Variants in ATP10B observed in about 807,000 individuals in gnomAD.
ATP10B encodes ATPase phospholipid transporting 10B (putative).
A neutral mutation model predicts 141.2 loss-of-function variants in ATP10B; 122 were observed. The observed-to-expected ratio is 0.86, with a 90% CI of 0.75 to 1.00. The LOEUF (loss-of-function observed/expected upper bound fraction) is 1.00. ATP10B is among the 50% of genes least tolerant of loss of function. The pLI, the probability that ATP10B is intolerant of heterozygous loss-of-function variation, is 0.00. For synonymous variants in ATP10B, 685 were observed against 692.0 expected (o/e 0.99, Z 0.16); for missense variants, 1,876 against 1,825.3 (o/e 1.03, Z -0.51).
chr5:160,687,733 C>G, intron 5 of ATP10B, 67 bp downstream of exon 5: 2 of 1,540,118 alleles, frequency 1.3e-6, no homozygotes, highest in South Asian at 2.5e-5. Flanking sequence ...CGACTATACT[C>G]CAGCCTGGGG....
At chr5:160,790,531 G>A (rs761998900) in intron 1 of ATP10B, among the ~76,000 whole-genome samples, 5 of 152,068 alleles carry the variant, frequency 3.3e-5, no homozygotes, top group African/African-American at 4.8e-5. Context: ...ATGAGGTATC[G>A]CTCAAAGACA....
At position 160,640,600 on chromosome 5, in the gene ATP10B, A is replaced by G. The variant is rs1284516964; in HGVS notation, c.869-8T>C. ...TGGCTTTCGTCTCATGGCCTTTGAG[A>G]GAAAATGAGGAAATCAGTCCCTTAG... On this transcript the variant is annotated splice_polypyrimidine_tract_variant and splice_region_variant and intron_variant, in intron 9 of 25. Coordinates refer to ENST00000327245, the MANE Select transcript of ATP10B (RefSeq NM_025153.3). 1.2e-6 allele frequency: 2 copies of G among 1,613,818 alleles called. No individual in the cohort carries two copies. The highest frequency in any genetic ancestry group is 2.2e-5 in the East Asian group (1 of 44,884).
chr5:160,670,574 T>C lies in ATP10B; in HGVS notation c.564A>G (p.Ile188Met), dbSNP rs1301182927. Residue 188 changes from isoleucine (I) to methionine (M), a missense_variant, in exon 7 of 26, where the codon ATA becomes ATG. Ile to Met is a conservative substitution (Grantham distance 10). Transcript: ENST00000327245. ...TGGGGTCAGAGGAAAAAAGGAGGAG[T>C]ATGTCTGCTGGGACAATCTCATTGC... ...MKCNEIVPAD[I>M]LLLFSSDPNG... 19 of 1,613,328 alleles carry C rather than the reference T, an allele frequency of 1.2e-5. No individual in the cohort carries two copies. The highest frequency in any genetic ancestry group is 1.6e-5 in the Non-Finnish European group (19 of 1,179,854).
intron 2 of ATP10B, among the ~76,000 whole-genome samples, chr5:160,780,050 T>A (rs140215302): frequency 6.6e-6 from 1 of 152,344 alleles, no homozygotes; most frequent in East Asian, 1.9e-4. Context: ...TACTCTAATA[T>A]GTAATATTCC....
chr5:160,905,789 T>C, the ATP10B span, among the ~76,000 whole-genome samples: 10 of 152,116 alleles, frequency 6.6e-5, no homozygotes, highest in Non-Finnish European at 1.3e-4. Context: ...AAATGCTGGC[T>C]ATTAAATGCA....
the ATP10B span, among the ~76,000 whole-genome samples, chr5:160,895,267 T>C: frequency 6.6e-6 from 1 of 151,846 alleles, no homozygotes; most frequent in Non-Finnish European, 1.5e-5. Flanking sequence ...ACAAATTGGA[T>C]AAAGAGTGAG....
At chr5:160,616,471 G>A (rs749940056) in intron 16 of ATP10B, among the ~76,000 whole-genome samples, 3 of 152,158 alleles carry the variant, frequency 2.0e-5, no homozygotes, top group Non-Finnish European at 4.4e-5. Flanking sequence ...AATGAACTTG[G>A]CCTTCCTTCT....
rs1211757914 is a variant in ATP10B, at chr5:160,852,023, C to T, written c.-658G>A. ...AAGTGGCGGTATTTCTCTCGCACAC[C>T]TTGGCTAAAATAGTTCTCTTTCCTA... On this transcript the variant is annotated 5_prime_UTR_variant, in exon 1 of 26. Transcript: ENST00000327245. 4 of 152,110 alleles carry T rather than the reference C, an allele frequency of 2.6e-5. No homozygotes were observed. The highest frequency in any genetic ancestry group is 4.4e-5 in the Non-Finnish European group (3 of 68,020). The allele number at this position is 152,110 out of a possible 1,614,324, so 9.4% of individuals were successfully genotyped here.
chr5:160,659,733 C>T (rs1761784811), intron 7 of ATP10B, among the ~76,000 whole-genome samples: 1 of 151,876 alleles, frequency 6.6e-6, no homozygotes, highest in South Asian at 2.1e-4. Context: ...TAGGGTTGCC[C>T]CATCACCATC....
At chr5:160,765,186 A>T (rs1259699594) in intron 2 of ATP10B, among the ~76,000 whole-genome samples, 4 of 152,118 alleles carry the variant, frequency 2.6e-5, no homozygotes, top group Non-Finnish European at 5.9e-5. Flanking sequence ...CCCATAAAAA[A>T]TGCCACCATT....
rs146208982 is a variant in ATP10B, at chr5:160,836,694, G to T, written c.-576+15247C>A. Among the ~76,000 whole-genome samples, 916 of 152,146 alleles carry T rather than the reference G, an allele frequency of 6.0e-3. 13 individuals carry two copies. The highest frequency in any genetic ancestry group is 0.021 in the African/African-American group (872 of 41,512). On this transcript the variant is annotated intron_variant, in intron 1 of 25. Transcript: ENST00000327245. ...CCACAAGTTTCCCAGCAAGTTCAGG[G>T]TTTCATACATTTGGTCCCTCTGGTT...
At chr5:160,768,997 G>A (rs1047229644) in intron 2 of ATP10B, among the ~76,000 whole-genome samples, 8 of 152,152 alleles carry the variant, frequency 5.3e-5, no homozygotes, top group African/African-American at 1.2e-4. Context: ...TCTTCCCCAT[G>A]TCATGGAAAC....
chr5:160,784,257 A>G (rs1770969174), intron 2 of ATP10B, among the ~76,000 whole-genome samples: 1 of 152,152 alleles, frequency 6.6e-6, no homozygotes, highest in African/African-American at 2.4e-5. Flanking sequence ...TTGGCTGCAC[A>G]AAGCAATTGC....
intron 2 of ATP10B, among the ~76,000 whole-genome samples, chr5:160,737,553 G>T (rs1767207412): frequency 1.3e-5 from 2 of 152,064 alleles, no homozygotes; most frequent in Admixed American, 6.5e-5. Context: ...CAGTAAAGTT[G>T]CAGGATACAA....
chr5:160,677,908 T>C (rs868839541), intron 6 of ATP10B, among the ~76,000 whole-genome samples: 27 of 152,292 alleles, frequency 1.8e-4, no homozygotes, highest in Non-Finnish European at 2.9e-4. Context: ...TAGTACCAAA[T>C]TGCAGCTTTA....
chr5:160,755,630 A>G (rs1341058365), intron 2 of ATP10B, among the ~76,000 whole-genome samples: 1 of 149,128 alleles, frequency 6.7e-6, no homozygotes, highest in Non-Finnish European at 1.5e-5. Flanking sequence ...CCCGGCTAAA[A>G]CGGTGAAACC....
At chr5:160,780,408 C>T (rs1202950759) in intron 2 of ATP10B, among the ~76,000 whole-genome samples, 1 of 152,086 alleles carries the variant, frequency 6.6e-6, no homozygotes, top group African/African-American at 2.4e-5. Context: ...ACTAACAATG[C>T]ATTTGTTTCA....
Position 160,622,474 on chromosome 5 carries a change from A to T in ATP10B, c.1732T>A (p.Ser578Thr), listed in dbSNP as rs1165753644. 39 of 1,613,982 alleles carry T rather than the reference A, an allele frequency of 2.4e-5. No individual in the cohort carries two copies. The highest frequency in any genetic ancestry group is 3.1e-5 in the Non-Finnish European group (37 of 1,180,014). ...GCAAGGAAGAAATCAGCAATGGAGGAGGTGGTGGAGAGGGAAGCCTTGGCA... is the reference window on the plus strand; with the variant it reads ...GCAAGGAAGAAATCAGCAATGGAGGTGGTGGTGGAGAGGGAAGCCTTGGCA... ...RPAKASLSTT[S>T]SIADFFLALT... The change falls in exon 14 of 26, where the codon TCC (serine) becomes ACC (threonine). Residue 578 changes from serine to threonine, a missense_variant. Ser to Thr is a moderately conservative substitution (Grantham distance 58). Coordinates refer to ENST00000327245, the MANE Select transcript of ATP10B (RefSeq NM_025153.3).
intron 1 of ATP10B, among the ~76,000 whole-genome samples, chr5:160,794,062 G>A (rs1401326678): frequency 6.6e-6 from 1 of 152,094 alleles, no homozygotes; most frequent in East Asian, 1.9e-4. Context: ...CCCTGTCATT[G>A]ACATGTGACT....
Sources: gnomAD v4.1 joint callset for allele counts (sites outside exome capture counted in the v4.1 genomes callset) on GRCh38, gnomAD v4.1.1 for gene constraint, MANE v1.5 for transcripts, NCBI Gene and HGNC (gene_info 2026-07-23, HGNC 2026-07-21) for gene names.